Variants in RAB6B observed in about 807,000 individuals in gnomAD.
The protein encoded by RAB6B is ras-related protein Rab-6B.
In RAB6B, 7 loss-of-function variants were observed where a neutral mutation model predicts 31.2. The observed-to-expected ratio is 0.22, with a 90% CI of 0.13 to 0.42. The LOEUF (loss-of-function observed/expected upper bound fraction) is 0.42, where lower values mean the gene tolerates loss of function less well. Ranked by LOEUF, RAB6B falls within the 10% of genes least tolerant of loss-of-function variation. The pLI is 1.00. For synonymous variants in RAB6B, 105 were observed against 104.9 expected (o/e 1.00, Z -0.01); for missense variants, 149 against 280.6 (o/e 0.53, Z 3.35).
intron 1 of RAB6B, among the ~76,000 whole-genome samples, chr3:133,884,317 T>G (rs2108013897): frequency 6.6e-6 from 1 of 152,098 alleles, no homozygotes; most frequent in East Asian, 1.9e-4. Context: ...AGCAGGGGGG[T>G]GCACCAATTG....
At chr3:133,855,866 A>T (rs1188111449) in intron 2 of RAB6B, among the ~76,000 whole-genome samples, 1 of 152,156 alleles carries the variant, frequency 6.6e-6, no homozygotes, top group African/African-American at 2.4e-5. Flanking sequence ...GTAAAAGCTA[A>T]ATTTGGCTTT....
chr3:133,858,425 A>G (rs1534167), intron 2 of RAB6B, among the ~76,000 whole-genome samples: 94,700 of 152,088 alleles, frequency 0.62, 30,382 homozygotes, highest in Non-Finnish European at 0.66. Context: ...GGATGGCTTC[A>G]ACTACAGTCA....
intron 1 of RAB6B, among the ~76,000 whole-genome samples, chr3:133,884,723 CAA>C (rs1234921987): frequency 6.6e-6 from 1 of 150,848 alleles, no homozygotes; most frequent in Non-Finnish European, 1.5e-5. Context: ...GGACAGGACA[CAA>C]ACACACCTAA....
chr3:133,886,027 C>A (rs1330219378), intron 1 of RAB6B, among the ~76,000 whole-genome samples: 1 of 152,178 alleles, frequency 6.6e-6, no homozygotes, highest in Non-Finnish European at 1.5e-5. Context: ...CCACTGCCTG[C>A]AGGGAGGTCC....
rs5852771 is a variant in RAB6B, at chr3:133,889,388, TTATATATATA to T, written c.70+5999_70+6008del. 8.3e-3 allele frequency among the ~76,000 whole-genome samples: 662 copies of T among 79,968 alleles called. 12 individuals are homozygous for T. The highest frequency in any genetic ancestry group is 0.011 in the Non-Finnish European group (441 of 39,320). The allele number at this position is 79,968 out of a possible 152,430, so 52.5% of individuals were successfully genotyped here. ...ACAAAAGGACAATAAGGTTATTTTG[TTATATATATA>T]TATATATATATATATATATATATAT... On this transcript the variant is annotated intron_variant, in intron 1 of 7. Coordinates refer to ENST00000285208, the MANE Select transcript of RAB6B (RefSeq NM_016577.4).
intron 6 of RAB6B, among the ~76,000 whole-genome samples, chr3:133,837,960 T>C (rs1935765532): frequency 6.6e-6 from 1 of 152,222 alleles, no homozygotes; most frequent in Admixed American, 6.5e-5. Context: ...CCAGATGCCA[T>C]GCCCGGAGTG....
intron 2 of RAB6B, among the ~76,000 whole-genome samples, chr3:133,860,388 A>C (rs946630649): frequency 2.6e-5 from 4 of 152,050 alleles, no homozygotes; most frequent in Non-Finnish European, 5.9e-5. Flanking sequence ...CCACTAGCCG[A>C]GGAAGGCCCG....
At chr3:133,893,963 G>A (rs951644645) in intron 1 of RAB6B, among the ~76,000 whole-genome samples, 2 of 152,190 alleles carry the variant, frequency 1.3e-5, no homozygotes, top group Non-Finnish European at 2.9e-5. Context: ...TGCCCAGCCT[G>A]TCCCCCAAAC....
intron 2 of RAB6B, among the ~76,000 whole-genome samples, chr3:133,857,694 T>C (rs929405636): frequency 1.3e-5 from 2 of 152,250 alleles, no homozygotes; most frequent in African/African-American, 2.4e-5. Context: ...GCTGGCCTGA[T>C]AGAACAGCCA....
chr3:133,827,924 A>T lies in RAB6B; in HGVS notation c.*864T>A. 1 of 702,770 alleles carries T rather than the reference A, an allele frequency of 1.4e-6. No individual in the cohort carries two copies. The highest frequency in any genetic ancestry group is 2.6e-6 in the Non-Finnish European group (1 of 384,946). The allele number at this position is 702,770 out of a possible 1,614,324, so 43.5% of individuals were successfully genotyped here. A position where few individuals can be genotyped will look rare whatever the true frequency, so the allele number is the denominator to read the frequency against. ...GGTGGGCTGGTTAAAATATTTTCAG[A>T]AGTACACATGGCACCCCAGTCTATA... On this transcript the variant is annotated 3_prime_UTR_variant, in exon 8 of 8. Transcript: ENST00000285208.
chr3:133,828,135 A>C lies in RAB6B; in HGVS notation c.*653T>G. 1.6e-6 allele frequency: 1 copy of C among 619,410 alleles called. No homozygotes were observed. Among genetic ancestry groups the C allele is most frequent in the Non-Finnish European group, 2.9e-6 (1 of 343,662 alleles). 38.4% of individuals were successfully genotyped at this position (619,410 alleles called of 1,614,324 possible). On this transcript the variant is annotated 3_prime_UTR_variant, in exon 8 of 8. Transcript: ENST00000285208. The stretch of plus-strand genomic sequence containing the variant: ...TCTGGGGGCTGCTGCCGGGCTGCCT[A>C]GAGCCCACAGACCTTGGTCTCAGCT...
At chr3:133,835,295 TGTG>T (rs1179008231) in intron 6 of RAB6B, among the ~76,000 whole-genome samples, 1 of 151,982 alleles carries the variant, frequency 6.6e-6, no homozygotes, top group African/African-American at 2.4e-5. Flanking sequence ...ATGTGTGTGT[TGTG>T]AGTGGTGCGT....
chr3:133,862,633 G>A (rs1252855817), intron 2 of RAB6B, among the ~76,000 whole-genome samples: 3 of 152,196 alleles, frequency 2.0e-5, no homozygotes, highest in Non-Finnish European at 4.4e-5. Context: ...GTCACTCCAA[G>A]GGCAGTAGGA....
At chr3:133,849,672 G>T (rs914654850) in intron 2 of RAB6B, among the ~76,000 whole-genome samples, 2 of 152,190 alleles carry the variant, frequency 1.3e-5, no homozygotes, top group African/African-American at 4.8e-5. Context: ...TCTCCTTCCT[G>T]AAATCCCTTC....
chr3:133,862,576 T>C (rs1384766362), intron 2 of RAB6B, among the ~76,000 whole-genome samples: 1 of 152,204 alleles, frequency 6.6e-6, no homozygotes, highest in Non-Finnish European at 1.5e-5. Context: ...GGAAAGGGCA[T>C]TCCGGCAGAG....
At chr3:133,832,347 G>A (rs556373090) in intron 7 of RAB6B, among the ~76,000 whole-genome samples, 1 of 152,152 alleles carries the variant, frequency 6.6e-6, no homozygotes, top group East Asian at 1.9e-4. Flanking sequence ...GCCCTGAGGG[G>A]TCCTCCTGTC....
chr3:133,895,422 C>T lies in RAB6B; in HGVS notation c.45G>A (p.Lys15=), dbSNP rs1351970246. The T allele has an allele frequency of 6.2e-7, 1 of 1,611,546 alleles. No homozygotes were observed. Among genetic ancestry groups the T allele is most frequent in the South Asian group, 1.1e-5 (1 of 90,416 alleles). ...GDFGNPLRKF[K]LVFLGEQSVG... is the part of the protein sequence containing the mutation. ...CGCTCTGCTCCCCCAAGAACACCAACTTGAATTTTCTCAGTGGATTCCCAA... is the reference window on the plus strand; with the variant it reads ...CGCTCTGCTCCCCCAAGAACACCAATTTGAATTTTCTCAGTGGATTCCCAA... Residue 15 remains lysine (K), a synonymous_variant, in exon 1 of 8, where the codon AAG becomes AAA. Coordinates refer to ENST00000285208, the MANE Select transcript of RAB6B (RefSeq NM_016577.4).
intron 2 of RAB6B, among the ~76,000 whole-genome samples, chr3:133,857,386 A>T (rs557352407): frequency 6.7e-6 from 1 of 149,156 alleles, no homozygotes; most frequent in African/African-American, 2.5e-5. Flanking sequence ...GCGAAGTGGG[A>T]CTTGAACCTG....
chr3:133,855,614 C>T (rs754803897), intron 2 of RAB6B, among the ~76,000 whole-genome samples: 1 of 152,202 alleles, frequency 6.6e-6, no homozygotes, highest in Non-Finnish European at 1.5e-5. Flanking sequence ...CAAATGGATT[C>T]ATGTGTGCCA....
Sources: gnomAD v4.1 joint callset for allele counts (sites outside exome capture counted in the v4.1 genomes callset) on GRCh38, gnomAD v4.1.1 for gene constraint, MANE v1.5 for transcripts, NCBI Gene and HGNC (gene_info 2026-07-23, HGNC 2026-07-21) for gene names.